GFRA4: variants seen among roughly 807,000 people sequenced by gnomAD.
GFRA4 encodes the protein GDNF family receptor alpha-4.
GFRA4 carries 31 observed loss-of-function variants against 28.5 expected under a neutral mutation model. The ratio of observed to expected loss-of-function variants is 1.09; its 90% CI spans 0.82 to 1.47. GFRA4 has a LOEUF of 1.47. Among genes scored for constraint, GFRA4 ranks in the 40% most tolerant of loss-of-function variants. The probability of loss-of-function intolerance (pLI) is 0.00; values close to 1 mark genes in which losing one functional copy is unlikely to be tolerated. For synonymous variants in GFRA4, 188 were observed against 188.0 expected (o/e 1.00, Z 0.00); for missense variants, 389 against 413.2 (o/e 0.94, Z 0.51).
At chr20:3,663,097 G>T (rs1410463586) in intron 1 of GFRA4, among the ~76,000 whole-genome samples, 1 of 152,190 alleles carries the variant, frequency 6.6e-6, no homozygotes, top group Non-Finnish European at 1.5e-5. Context: ...ATAGGCAAAA[G>T]TTCCTGGGGC....
intron 1 of GFRA4, 148 bp from the exon 2 acceptor site, chr20:3,661,437 C>G (rs374756850): frequency 1.6e-6 from 2 of 1,278,288 alleles, no homozygotes; most frequent in East Asian, 6.3e-5. Flanking sequence ...TGGCACTGAT[C>G]GGCTCTCCGT....
chr20:3,662,839 A>G (rs963707687), intron 1 of GFRA4, among the ~76,000 whole-genome samples: 1 of 152,100 alleles, frequency 6.6e-6, no homozygotes, highest in Admixed American at 6.5e-5. Context: ...ACCCTTACCC[A>G]GTCTCCACCC....
rs1171086486 is a variant in GFRA4 at position 3,659,781 on chromosome 20, G to A, written c.*128C>T. The A allele has an allele frequency of 1.8e-5, 15 of 856,316 alleles. No homozygotes were observed. Among genetic ancestry groups the A allele is most frequent in the South Asian group, 1.6e-4 (10 of 62,912 alleles). The allele number at this position is 856,316 out of a possible 1,614,324, so 53.0% of individuals were successfully genotyped here. On this transcript the variant is annotated 3_prime_UTR_variant, in exon 6 of 6. Coordinates refer to ENST00000290417, the MANE Select transcript of GFRA4 (RefSeq NM_022139.4). ...GGTGTCCAAACCTACAAAGGGCAGCGGAGTGAAAGCACCAGGGCCGGCTTG... is the reference window on the plus strand; with the variant it reads ...GGTGTCCAAACCTACAAAGGGCAGCAGAGTGAAAGCACCAGGGCCGGCTTG...
At position 3,660,574 on chromosome 20, in the gene GFRA4, C is replaced by T; in HGVS notation, c.589G>A (p.Glu197Lys). Reference protein sequence around the residue: ...CDCGASGNRREDCEAFRGLFT... With the variant: ...CDCGASGNRRKDCEAFRGLFT... ...AGCCCCCGGAAGGCTTCGCAGTCCT[C>T]ACGCCGGTTCCCGCTGGCTCCGCAG... Residue 197 changes from glutamate (E) to lysine (K), a missense_variant, in exon 4 of 6, where the codon GAG becomes AAG. By Grantham distance (56) the Glu-to-Lys change is moderately conservative. Transcript: ENST00000290417. 6.4e-7 allele frequency: 1 copy of T among 1,551,248 alleles called. No individual in the cohort carries two copies. The highest frequency in any genetic ancestry group is 1.2e-5 in the South Asian group (1 of 84,126).
rs1215056468 is a variant in GFRA4 at position 3,661,157 on chromosome 20, G to C, written c.179C>G (p.Pro60Arg). The C allele has an allele frequency of 6.6e-6, 9 of 1,360,544 alleles. No homozygotes were observed. The highest frequency in any genetic ancestry group is 1.5e-5 in the African/African-American group (1 of 65,458). The allele number at this position is 1,360,544 out of a possible 1,614,324, so 84.3% of individuals were successfully genotyped here. Residue 60 changes from proline to arginine, a missense_variant, in exon 2 of 6, where the codon CCC (proline) becomes CGC (arginine). Pro to Arg is a moderately radical substitution (Grantham distance 103). Transcript: ENST00000290417. ...CLGRAAQGGCPRARCRRALRR... is the reference protein window; with the variant it reads ...CLGRAAQGGCRRARCRRALRR... ...CAGGGCCCGGCGGCAGCGGGCGCGG[G>C]GACAGCCCCCCTGCGCAGCCCGGCC...
Position 3,660,664 on chromosome 20 carries a change from C to A in GFRA4, c.503-4G>T. Reference sequence around the variant, plus strand: ...TAGTTAGGGGTGACGGCGGTGCCTGCGGGGACCCTGAGGGCGAAGTCATCG... The same window carrying A: ...TAGTTAGGGGTGACGGCGGTGCCTGAGGGGACCCTGAGGGCGAAGTCATCG... On this transcript the variant is annotated splice_region_variant and splice_polypyrimidine_tract_variant and intron_variant, in intron 3 of 5. Transcript: ENST00000290417. The A allele has an allele frequency of 1.3e-6, 2 of 1,546,090 alleles. No homozygotes were observed. The highest frequency in any genetic ancestry group is 1.7e-6 in the Non-Finnish European group (2 of 1,145,450).
Position 3,659,635 on chromosome 20 carries a change from C to A in GFRA4, c.*274G>T. 1.9e-6 allele frequency: 1 copy of A among 517,564 alleles called. No individual in the cohort carries two copies. The highest frequency in any genetic ancestry group is 5.2e-4 in the Middle Eastern group (1 of 1,938). 32.1% of individuals were successfully genotyped at this position (517,564 alleles called of 1,614,324 possible). ...CTCCTGACCCCACCTTGTGGGAGAC[C>A]CCAGTGGTCTCAAGGTCTGTGAATA... is the stretch of plus-strand genomic sequence containing the variant. On this transcript the variant is annotated 3_prime_UTR_variant, in exon 6 of 6. Transcript: ENST00000290417.
Position 3,660,876 on chromosome 20 carries a change from G to C in GFRA4, c.393-12C>G, listed in dbSNP as rs747367146. On this transcript the variant is annotated splice_polypyrimidine_tract_variant and intron_variant, in intron 2 of 5. Transcript: ENST00000290417. The stretch of plus-strand genomic sequence containing the variant: ...CCAGGAGGCGAGGCCTGCGCGGCGG[G>C]AGGGCGGTGAGCCGGAGAGAGGCCC... The C allele has an allele frequency of 1.4e-6, 2 of 1,404,474 alleles. No individual in the cohort carries two copies. The highest frequency in any genetic ancestry group is 1.8e-6 in the Non-Finnish European group (2 of 1,089,398). The allele number at this position is 1,404,474 out of a possible 1,614,324, so 87.0% of individuals were successfully genotyped here. A position where few individuals can be genotyped will look rare whatever the true frequency, so the allele number is the denominator to read the frequency against.
In GFRA4 at chr20:3,659,893, G is replaced by A. The variant is rs1031278963; in HGVS notation, c.*16C>T. 4.4e-6 allele frequency: 7 copies of A among 1,581,944 alleles called. No individual in the cohort carries two copies. Among genetic ancestry groups the A allele is most frequent in the Non-Finnish European group, 6.0e-6 (7 of 1,164,814 alleles). On this transcript the variant is annotated 3_prime_UTR_variant, in exon 6 of 6. Coordinates refer to ENST00000290417, the MANE Select transcript of GFRA4 (RefSeq NM_022139.4). ...GGTGGAGTAGCTGGCTGTGCTATCCGAGGTCGCTGTCCTAATCAGAGCAGG... is the reference window on the plus strand; with the variant it reads ...GGTGGAGTAGCTGGCTGTGCTATCCAAGGTCGCTGTCCTAATCAGAGCAGG...
chr20:3,660,296 A>G, intron 4 of GFRA4, 47 bp from the exon 5 acceptor site: 2 of 1,481,076 alleles, frequency 1.4e-6, no homozygotes, highest in Non-Finnish European at 1.8e-6. Context: ...AAACCCTAGC[A>G]CAGGGCTCAG....
At chr20:3,661,331 G>A (rs1374754859) in intron 1 of GFRA4, 42 bp from the exon 2 acceptor site, 1 of 1,393,712 alleles carries the variant, frequency 7.2e-7, no homozygotes, top group Non-Finnish European at 9.3e-7. Flanking sequence ...AGTGCGCCCC[G>A]CATGCACACT....
Position 3,660,714 on chromosome 20 carries a change from T to C in GFRA4, c.502+41A>G, listed in dbSNP as rs752343323. 16 of 1,484,818 alleles carry C rather than the reference T, an allele frequency of 1.1e-5. No homozygotes were observed. In the African/African-American group the frequency reaches 1.6e-4, roughly 15 times the overall value. The allele number at this position is 1,484,818 out of a possible 1,614,324, so 92.0% of individuals were successfully genotyped here. A position where few individuals can be genotyped will look rare whatever the true frequency, so the allele number is the denominator to read the frequency against. ...GGCCCACCCGGGCGGAGATATCCCC[T>C]GGAGAACCCCCGCCCTCGCCCGGAT... On this transcript the variant is annotated intron_variant, in intron 3 of 5. Transcript: ENST00000290417.
chr20:3,660,817 G>A lies in GFRA4; in HGVS notation c.440C>T (p.Ala147Val), dbSNP rs779065189. 4.4e-4 allele frequency: 623 copies of A among 1,416,404 alleles called. No individual in the cohort carries two copies. The highest frequency in any genetic ancestry group is 5.3e-4 in the Non-Finnish European group (578 of 1,097,910). 87.7% of individuals were successfully genotyped at this position (1,416,404 alleles called of 1,614,324 possible). ...CTGGTCCAGCAGGCAGCCGTCGGGG[G>A]CGCTGGGCGCTGGGGTGCACGAGAC... ...FQVSCTPAPS[A>V]PDGCLLDQGA... The change falls in exon 3 of 6, where the codon GCC (alanine) becomes GTC (valine). Residue 147 changes from alanine (A) to valine (V), a missense_variant. Coordinates refer to ENST00000290417, the MANE Select transcript of GFRA4 (RefSeq NM_022139.4).
chr20:3,659,922 G>C lies in GFRA4; in HGVS notation c.797C>G (p.Pro266Arg), dbSNP rs115789290. 3.8e-6 allele frequency: 6 copies of C among 1,595,908 alleles called. No homozygotes were observed. In the African/African-American group the frequency reaches 6.7e-5, roughly 18 times the overall value. ...TCGCTGTCCTAATCAGAGCAGGGCCGGGAGAGCCAGGACAGGAAGTATGGA... is the reference window on the plus strand; with the variant it reads ...TCGCTGTCCTAATCAGAGCAGGGCCCGGAGAGCCAGGACAGGAAGTATGGA... ...LLSILPVLALPALL is the reference protein window; with the variant it reads ...LLSILPVLALRALL The change falls in exon 6 of 6, where the codon CCG becomes CGG. Residue 266 changes from proline to arginine, a missense_variant. Pro to Arg is a moderately radical substitution (Grantham distance 103, BLOSUM62 -2). Transcript: ENST00000290417.
chr20:3,660,491 CCCACTCCCCCT>C (rs1159222270), intron 4 of GFRA4, 24 bp downstream of exon 4: 3 of 1,523,154 alleles, frequency 2.0e-6, no homozygotes, highest in Admixed American at 2.0e-5. Flanking sequence ...AAGCGCCGCC[CCCACTCCCCCT>C]CCACTCCCCC....
At chr20:3,661,353 A>G in intron 1 of GFRA4, 64 bp from the exon 2 acceptor site, 1 of 1,354,284 alleles carries the variant, frequency 7.4e-7, no homozygotes, top group Non-Finnish European at 9.5e-7. Context: ...CACCCAGCCC[A>G]TCCACGCCCC....
At chr20:3,661,315 G>A (rs761302557) in intron 1 of GFRA4, 26 bp from the exon 2 acceptor site, 18 of 1,436,682 alleles carry the variant, frequency 1.3e-5, no homozygotes, top group South Asian at 9.8e-5. Flanking sequence ...GGAGGCTGCA[G>A]GTCTCAGTGC....
intron 1 of GFRA4, among the ~76,000 whole-genome samples, chr20:3,661,772 C>T (rs749122280): frequency 3.9e-5 from 6 of 152,192 alleles, no homozygotes; most frequent in Non-Finnish European, 7.3e-5. Flanking sequence ...TCCTCCTCTA[C>T]CCCCTCCACC....
rs1600186032 is a variant in GFRA4 at position 3,663,046 on chromosome 20, G to A, written c.46+308C>T. Among the ~76,000 whole-genome samples the A allele has an allele frequency of 3.3e-5, 5 of 152,342 alleles. No individual in the cohort carries two copies. The South Asian group carries it at 1.0e-3, about 32-fold the overall frequency. On this transcript the variant is annotated intron_variant, in intron 1 of 5. Transcript: ENST00000290417. The stretch of plus-strand genomic sequence containing the variant: ...AATCTGTGTGATGGGTAGGAGGGCT[G>A]GGGCTGAGGGGAGGGTGAGAGAGTT...
Sources: gnomAD v4.1 joint callset for allele counts (sites outside exome capture counted in the v4.1 genomes callset) on GRCh38, gnomAD v4.1.1 for gene constraint, MANE v1.5 for transcripts, NCBI Gene and HGNC (gene_info 2026-07-23, HGNC 2026-07-21) for gene names.